The following GLIS1 variants were observed in gnomAD, a reference collection of about 807,000 sequenced individuals.
The protein encoded by GLIS1 is GLIS family zinc finger 1, also known as zinc finger protein GLIS1.
GLIS1 carries 24 observed loss-of-function variants against 63.8 expected under a neutral mutation model. The ratio of observed to expected loss-of-function variants is 0.38; its 90% CI spans 0.27 to 0.53. The LOEUF (loss-of-function observed/expected upper bound fraction) is 0.53. Among genes scored for constraint, GLIS1 ranks in the 20% least tolerant of loss-of-function variants. The pLI, the probability that GLIS1 is intolerant of heterozygous loss-of-function variation, is 0.85. For synonymous variants in GLIS1, 450 were observed against 482.5 expected, an observed-to-expected ratio of 0.93 and a Z score of 0.88; for missense variants, 1,036 against 1,074.1, an observed-to-expected ratio of 0.96 and a Z score of 0.50.
At chr1:53,561,615 T>C (rs1175555428) in intron 4 of GLIS1, among the ~76,000 whole-genome samples, 1 of 152,206 alleles carries the variant, frequency 6.6e-6, no homozygotes, top group Non-Finnish European at 1.5e-5. Context: ...AGCTGCTCCC[T>C]GGCCATACAA....
At position 53,529,914 on chromosome 1, in the gene GLIS1, G is replaced by C; in HGVS notation, c.1359C>G (p.Asn453Lys). Residue 453 changes from asparagine (N) to lysine (K), a missense_variant, in exon 5 of 11, where the codon AAC becomes AAG. Coordinates refer to ENST00000628545, the MANE Select transcript of GLIS1 (RefSeq NM_001367484.1). The stretch of plus-strand genomic sequence containing the variant: ...TGTGGCTCCTCAGGTGGATCTTGAG[G>C]TTCTCCAGCCGTGAGAAGGCCTTGC... ...GCSKAFSRLE[N>K]LKIHLRSHTG... 2 of 1,613,772 alleles carry C rather than the reference G, an allele frequency of 1.2e-6. No individual in the cohort carries two copies. The highest frequency in any genetic ancestry group is 1.7e-6 in the Non-Finnish European group (2 of 1,179,972).
chr1:53,531,551 G>A (rs756946556), intron 4 of GLIS1, among the ~76,000 whole-genome samples: 9 of 152,240 alleles, frequency 5.9e-5, no homozygotes, highest in Admixed American at 1.3e-4. Flanking sequence ...GTGCGAGGCT[G>A]TTCACTGGGA....
At chr1:53,513,995 T>C in intron 8 of GLIS1, among the ~76,000 whole-genome samples, 1 of 152,124 alleles carries the variant, frequency 6.6e-6, no homozygotes, top group Non-Finnish European at 1.5e-5. Context: ...CTCTGCTCAT[T>C]TGCAAGAAAA....
At chr1:53,638,804 G>A (rs60755610) in intron 2 of GLIS1, among the ~76,000 whole-genome samples, 3,258 of 152,256 alleles carry the variant, frequency 0.021, 109 homozygotes, top group African/African-American at 0.073. Context: ...TGGAGGGAGT[G>A]GCCGGGGGAG....
At chr1:53,716,887 G>C (rs1427229276) in intron 2 of GLIS1, among the ~76,000 whole-genome samples, 1 of 152,166 alleles carries the variant, frequency 6.6e-6, no homozygotes, top group Non-Finnish European at 1.5e-5. Context: ...CAGTGGGCCT[G>C]CCAAGTATCT....
chr1:53,667,677 T>A (rs1646108371), intron 2 of GLIS1, among the ~76,000 whole-genome samples: 1 of 152,214 alleles, frequency 6.6e-6, no homozygotes, highest in Non-Finnish European at 1.5e-5. Flanking sequence ...CACAGCATTT[T>A]GAAGGCTAAG....
At chr1:53,530,294 A>C (rs1365980926) in intron 4 of GLIS1, among the ~76,000 whole-genome samples, 1 of 152,206 alleles carries the variant, frequency 6.6e-6, no homozygotes, top group African/African-American at 2.4e-5. Context: ...GAATCAGGGC[A>C]GGGGTGTGTC....
At chr1:53,716,885 C>A (rs947078401) in intron 2 of GLIS1, among the ~76,000 whole-genome samples, 1 of 152,304 alleles carries the variant, frequency 6.6e-6, no homozygotes, top group Admixed American at 6.5e-5. Context: ...AACAGTGGGC[C>A]TGCCAAGTAT....
intron 2 of GLIS1, among the ~76,000 whole-genome samples, chr1:53,650,326 A>C (rs1645891742): frequency 6.6e-6 from 1 of 152,218 alleles, no homozygotes; most frequent in Non-Finnish European, 1.5e-5. Context: ...GAGGTGGCTC[A>C]CACCTGTAAT....
At chr1:53,604,063 C>T (rs1298486693) in intron 2 of GLIS1, among the ~76,000 whole-genome samples, 1 of 152,232 alleles carries the variant, frequency 6.6e-6, no homozygotes, top group African/African-American at 2.4e-5. Context: ...ACCTAACCCA[C>T]AACGTTGAGG....
chr1:53,606,801 G>A (rs1010690252), intron 2 of GLIS1, among the ~76,000 whole-genome samples: 6 of 152,248 alleles, frequency 3.9e-5, no homozygotes, highest in Admixed American at 6.5e-5. Flanking sequence ...GCCTCACGCC[G>A]GGCTTCTGCC....
At chr1:53,724,742 A>ACTCCTGGCTTCAAGCAATC (rs963522786) in intron 2 of GLIS1, among the ~76,000 whole-genome samples, 1 of 151,632 alleles carries the variant, frequency 6.6e-6, no homozygotes, top group Admixed American at 6.6e-5. Flanking sequence ...CTGGTCTTGA[A>ACTCCTGGCTTCAAGCAATC]CTCCTGGCTT....
Position 53,514,694 on chromosome 1 carries a change from G to A in GLIS1, c.1814C>T (p.Pro605Leu), listed in dbSNP as rs142735388. The change falls in exon 8 of 11, where the codon CCG (proline) becomes CTG (leucine). Residue 605 changes from proline (P) to leucine (L), a missense_variant. Pro to Leu is a moderately conservative substitution (Grantham distance 98). Around this residue, in one of 3 missense-constraint regions of GLIS1, gnomAD observed 400 missense variants for 400.9 expected, o/e 1.00. Coordinates refer to ENST00000628545, the MANE Select transcript of GLIS1 (RefSeq NM_001367484.1). ...GTGGGAACTGGTGGTGGCATCCAGCGGGTGGTGCCTGGAAGGTACGTCGTG... is the reference window on the plus strand; with the variant it reads ...GTGGGAACTGGTGGTGGCATCCAGCAGGTGGTGCCTGGAAGGTACGTCGTG... ...PAHDVPSRHH[P>L]LDATTSSHHH... is the part of the protein sequence containing the mutation. 5.4e-3 allele frequency: 8,645 copies of A among 1,613,866 alleles called. 27 individuals are homozygous for A. Among genetic ancestry groups the A allele is most frequent in the Non-Finnish European group, 6.6e-3 (7,754 of 1,179,934 alleles).
chr1:53,736,260 G>A (rs1646911720), intron 2 of GLIS1, among the ~76,000 whole-genome samples: 1 of 152,210 alleles, frequency 6.6e-6, no homozygotes, highest in African/African-American at 2.4e-5. Context: ...TTGGGGGCGT[G>A]CGTAAAAATA....
intron 4 of GLIS1, among the ~76,000 whole-genome samples, chr1:53,550,681 G>T (rs1038920257): frequency 1.3e-5 from 2 of 152,038 alleles, no homozygotes; most frequent in Non-Finnish European, 1.5e-5. Context: ...GTACCATGGC[G>T]CAATGGCAGA....
At chr1:53,509,717 C>T (rs758383354) in intron 9 of GLIS1, 132 bp downstream of exon 9, 25 of 526,238 alleles carry the variant, frequency 4.8e-5, no homozygotes, top group Non-Finnish European at 7.2e-5. Context: ...TAGCTTCTCT[C>T]AGCCCCCAGT....
chr1:53,635,169 A>C (rs1174329719), intron 2 of GLIS1, among the ~76,000 whole-genome samples: 1 of 152,162 alleles, frequency 6.6e-6, no homozygotes, highest in Non-Finnish European at 1.5e-5. Context: ...GGAGAACGGC[A>C]GGAGCAGTGG....
intron 4 of GLIS1, among the ~76,000 whole-genome samples, chr1:53,587,293 G>A (rs1362469268): frequency 2.0e-5 from 3 of 152,074 alleles, no homozygotes; most frequent in Non-Finnish European, 4.4e-5. Context: ...TAATAATGAG[G>A]GTAGACATGA....
intron 4 of GLIS1, among the ~76,000 whole-genome samples, chr1:53,589,344 A>T (rs924860759): frequency 2.0e-5 from 3 of 152,166 alleles, no homozygotes; most frequent in Admixed American, 6.5e-5. Flanking sequence ...CTCAGTAAGG[A>T]GCAACTCCCT....
Sources: allele counts gnomAD v4.1 joint callset (sites outside exome capture counted in the v4.1 genomes callset), GRCh38; gene constraint gnomAD v4.1.1; regional missense constraint gnomAD v4.1.1; transcripts MANE v1.5; gene names NCBI Gene and HGNC (gene_info 2026-07-23, HGNC 2026-07-21).